Variants in IQGAP2 observed in about 807,000 individuals in gnomAD.
The protein encoded by IQGAP2 is ras GTPase-activating-like protein IQGAP2.
Under a neutral mutation model 201.3 loss-of-function variants are expected in IQGAP2, and 173 were observed. That is an observed-to-expected ratio of 0.86 (90% CI 0.76 to 0.98). The LOEUF is 0.98. Among genes scored for constraint, IQGAP2 ranks in the 50% least tolerant of loss-of-function variants. The pLI is 0.00. For missense variants in IQGAP2, 1,687 were observed against 1,864.8 expected, an observed-to-expected ratio of 0.90 and a Z score of 1.76; for synonymous variants, 675 against 673.9, an observed-to-expected ratio of 1.00 and a Z score of -0.03.
At chr5:76,573,777 A>ATT (rs59411410) in intron 4 of IQGAP2, among the ~76,000 whole-genome samples, 3 of 126,154 alleles carry the variant, frequency 2.4e-5, no homozygotes, top group Non-Finnish European at 5.2e-5. Context: ...ATGCCCAGCT[A>ATT]TTTTTTTTTT....
intron 19 of IQGAP2, 31 bp downstream of exon 19, chr5:76,654,302 G>A (rs1368839350): frequency 2.9e-6 from 4 of 1,388,110 alleles, no homozygotes; most frequent in Non-Finnish European, 4.1e-6. Context: ...ATTTTATCCA[G>A]GTTGATAATG....
intron 13 of IQGAP2, among the ~76,000 whole-genome samples, chr5:76,619,828 C>T (rs1561519427): frequency 6.6e-6 from 1 of 152,068 alleles, no homozygotes; most frequent in Non-Finnish European, 1.5e-5. Context: ...AGTTAAGGAT[C>T]TTAAAATGAG....
intron 1 of IQGAP2, among the ~76,000 whole-genome samples, chr5:76,437,332 C>A (rs868259791): frequency 6.6e-6 from 1 of 151,996 alleles, no homozygotes; most frequent in Non-Finnish European, 1.5e-5. Flanking sequence ...GGATTATAGG[C>A]GTGAGCCACC....
At chr5:76,523,758 C>T (rs1248411350) in intron 2 of IQGAP2, among the ~76,000 whole-genome samples, 2 of 152,056 alleles carry the variant, frequency 1.3e-5, no homozygotes, top group African/African-American at 4.8e-5. Flanking sequence ...GTGAAGAACT[C>T]CTGATTAATA....
At chr5:76,405,367 G>GT (rs1270208095) in intron 1 of IQGAP2, among the ~76,000 whole-genome samples, 1 of 152,172 alleles carries the variant, frequency 6.6e-6, no homozygotes, top group Non-Finnish European at 1.5e-5. Flanking sequence ...CTTCACCAAT[G>GT]TGGTGTAAGG....
At chr5:76,592,788 T>C in intron 8 of IQGAP2, 50 bp from the exon 9 acceptor site, 1 of 1,198,512 alleles carries the variant, frequency 8.3e-7, no homozygotes, top group Non-Finnish European at 1.2e-6. Context: ...TTTCGAGTTT[T>C]GGAAATATTT....
At chr5:76,678,299 T>G (rs1192929859) in intron 28 of IQGAP2, among the ~76,000 whole-genome samples, 1 of 152,156 alleles carries the variant, frequency 6.6e-6, no homozygotes, top group African/African-American at 2.4e-5. Context: ...TACATCTGGT[T>G]TGCATGCAGA....
At chr5:76,417,685 A>T (rs1358868390) in intron 1 of IQGAP2, among the ~76,000 whole-genome samples, 1 of 152,060 alleles carries the variant, frequency 6.6e-6, no homozygotes, top group East Asian at 1.9e-4. Flanking sequence ...GGCTTGGGCC[A>T]TTCTCCCACT....
intron 23 of IQGAP2, among the ~76,000 whole-genome samples, chr5:76,669,338 C>T (rs2150478146): frequency 6.6e-6 from 1 of 152,284 alleles, no homozygotes; most frequent in Non-Finnish European, 1.5e-5. Context: ...GCCTCCCTAA[C>T]TTGTGGAAAC....
intron 12 of IQGAP2, chr5:76,607,850 T>C (rs1747932829): frequency 6.6e-6 from 1 of 152,272 alleles, no homozygotes; most frequent in South Asian, 2.1e-4. Flanking sequence ...GACTCCTTTC[T>C]TTTGGTAGGC....
chr5:76,570,020 G>A (rs1474834136), intron 3 of IQGAP2, among the ~76,000 whole-genome samples: 1 of 152,218 alleles, frequency 6.6e-6, no homozygotes, highest in Non-Finnish European at 1.5e-5. Context: ...ACAAGGCCAA[G>A]ATCAGGGTTA....
intron 15 of IQGAP2, among the ~76,000 whole-genome samples, chr5:76,636,587 T>C (rs1200088982): frequency 2.0e-5 from 3 of 152,206 alleles, no homozygotes; most frequent in Admixed American, 6.5e-5. Context: ...ATGCCGAACA[T>C]TGGCCGTCCT....
intron 33 of IQGAP2, among the ~76,000 whole-genome samples, chr5:76,698,894 G>A (rs1746999448): frequency 6.6e-6 from 1 of 151,896 alleles, no homozygotes; most frequent in African/African-American, 2.4e-5. Flanking sequence ...ATGTATTCCT[G>A]GGGTACAAGG....
At chr5:76,546,842 C>T (rs908750619) in intron 2 of IQGAP2, among the ~76,000 whole-genome samples, 1 of 152,132 alleles carries the variant, frequency 6.6e-6, no homozygotes. Context: ...AAAAAGTGGC[C>T]TACTGCTTAT....
intron 1 of IQGAP2, among the ~76,000 whole-genome samples, chr5:76,429,604 T>TTA (rs1320925910): frequency 8.0e-5 from 11 of 136,676 alleles, no homozygotes; most frequent in East Asian, 6.0e-4. Flanking sequence ...ATATGTATAT[T>TTA]TATATATATA....
At chr5:76,490,265 CT>C (rs1756459455) in intron 2 of IQGAP2, among the ~76,000 whole-genome samples, 1 of 152,126 alleles carries the variant, frequency 6.6e-6, no homozygotes, top group African/African-American at 2.4e-5. Context: ...CTGGTCTACT[CT>C]AGGAGCTTGC....
intron 2 of IQGAP2, among the ~76,000 whole-genome samples, chr5:76,482,809 G>C (rs1284360650): frequency 6.6e-6 from 1 of 152,158 alleles, no homozygotes; most frequent in African/African-American, 2.4e-5. Context: ...TGCTGCTTTT[G>C]TTCTTCTCAA....
At chr5:76,562,782 T>TC (rs1421175399) in intron 3 of IQGAP2, among the ~76,000 whole-genome samples, 5 of 152,080 alleles carry the variant, frequency 3.3e-5, no homozygotes, top group Non-Finnish European at 7.4e-5. Context: ...TCCCAATGCC[T>TC]CCCCCAATTA....
chr5:76,705,103 C>A (rs1030225917), intron 35 of IQGAP2, among the ~76,000 whole-genome samples: 1 of 152,068 alleles, frequency 6.6e-6, no homozygotes, highest in African/African-American at 2.4e-5. Flanking sequence ...GGTGGGCCTT[C>A]TTCCTCTCCT....
Sources: allele counts gnomAD v4.1 joint callset (sites outside exome capture counted in the v4.1 genomes callset), GRCh38; gene constraint gnomAD v4.1.1; transcripts MANE v1.5; gene names NCBI Gene and HGNC (gene_info 2026-07-23, HGNC 2026-07-21).